The following AVEN variants were observed in gnomAD, a reference collection of about 807,000 sequenced individuals.
The protein encoded by AVEN is apoptosis and caspase activation inhibitor, also known as cell death regulator Aven.
In AVEN, 41 loss-of-function variants were observed where a neutral mutation model predicts 38.1. That is an observed-to-expected ratio of 1.08 (90% CI 0.84 to 1.40). AVEN has a LOEUF of 1.40. AVEN is among the 40% of genes most tolerant of loss of function. The pLI, the probability that AVEN is intolerant of heterozygous loss-of-function variation, is 0.00. For missense variants in AVEN, 605 were observed against 438.8 expected, an observed-to-expected ratio of 1.38 and a Z score of -3.38; for synonymous variants, 206 against 171.8, an observed-to-expected ratio of 1.20 and a Z score of -1.56.
At chr15:34,039,229 GGCGTCCC>G, upstream of AVEN, 1 of 381,424 alleles carries the variant, frequency 2.6e-6, no homozygotes, top group Non-Finnish European at 3.7e-6. Context: ...CGGGGCGGCC[GGCGTCCC>G]GCAGGTGGGG....
chr15:33,927,566 A>T (rs950367379), intron 2 of AVEN, among the ~76,000 whole-genome samples: 1 of 152,124 alleles, frequency 6.6e-6, no homozygotes, highest in South Asian at 2.1e-4. Flanking sequence ...ATTTACAACA[A>T]GGCTAACAGA....
intron 2 of AVEN, among the ~76,000 whole-genome samples, chr15:33,995,220 T>C (rs1186467480): frequency 1.3e-5 from 2 of 152,214 alleles, no homozygotes; most frequent in African/African-American, 4.8e-5. Flanking sequence ...GCTATGATCA[T>C]GCCACTGCAC....
At chr15:33,896,069 A>G (rs1434512995) in intron 2 of AVEN, among the ~76,000 whole-genome samples, 1 of 152,198 alleles carries the variant, frequency 6.6e-6, no homozygotes, top group African/African-American at 2.4e-5. Context: ...ACAAATATTA[A>G]AAGCAAGACC....
chr15:33,855,162 G>A (rs1208835189), downstream of AVEN, among the ~76,000 whole-genome samples: 1 of 152,040 alleles, frequency 6.6e-6, no homozygotes, highest in Non-Finnish European at 1.5e-5. Context: ...TCAACCAGGA[G>A]AGGGAGGGAG....
intron 2 of AVEN, among the ~76,000 whole-genome samples, chr15:33,918,422 GTGA>G (rs1173603346): frequency 1.4e-5 from 2 of 140,218 alleles, no homozygotes; most frequent in South Asian, 2.4e-4. Context: ...TTCATAAAAT[GTGA>G]TGATGTTGTG....
chr15:33,979,441 T>C (rs531531232), intron 2 of AVEN, among the ~76,000 whole-genome samples: 1 of 152,212 alleles, frequency 6.6e-6, no homozygotes, highest in African/African-American at 2.4e-5. Context: ...CCCAGGAGGT[T>C]GAGGCTGCAC....
At chr15:33,930,954 CAAAAAAAAAAAA>C (rs61006422) in intron 2 of AVEN, among the ~76,000 whole-genome samples, 1 of 111,842 alleles carries the variant, frequency 8.9e-6, no homozygotes, top group Non-Finnish European at 1.9e-5. Flanking sequence ...GACTCTGTCT[CAAAAAAAAAAAA>C]AAAAAAAACT....
chr15:33,861,999 C>T (rs529528422), downstream of AVEN, among the ~76,000 whole-genome samples: 3 of 152,186 alleles, frequency 2.0e-5, no homozygotes, highest in Non-Finnish European at 2.9e-5. Context: ...ACTTATTCTA[C>T]GGTAAAGCAT....
At chr15:33,914,526 C>T (rs1893046106) in intron 2 of AVEN, among the ~76,000 whole-genome samples, 1 of 151,432 alleles carries the variant, frequency 6.6e-6, no homozygotes, top group Non-Finnish European at 1.5e-5. Context: ...CCTCCAGGAT[C>T]TAAATATAAA....
intron 2 of AVEN, among the ~76,000 whole-genome samples, chr15:33,919,356 G>T (rs556003705): frequency 6.6e-6 from 1 of 152,148 alleles, no homozygotes; most frequent in Non-Finnish European, 1.5e-5. Flanking sequence ...ACAGCAAAGG[G>T]AAATCTAGCA....
downstream of AVEN, among the ~76,000 whole-genome samples, chr15:33,863,219 G>C (rs1356283409): frequency 6.6e-6 from 1 of 152,174 alleles, no homozygotes; most frequent in African/African-American, 2.4e-5. Flanking sequence ...ATGGTGCTTT[G>C]TTAAATAAAT....
intron 4 of AVEN, among the ~76,000 whole-genome samples, chr15:33,868,774 G>A (rs1473190422): frequency 6.6e-6 from 1 of 152,172 alleles, no homozygotes; most frequent in Non-Finnish European, 1.5e-5. Context: ...TGGGGAGAGA[G>A]TGACGTGGAG....
intron 2 of AVEN, among the ~76,000 whole-genome samples, chr15:33,994,498 A>C (rs1436368165): frequency 6.6e-6 from 1 of 152,196 alleles, no homozygotes; most frequent in African/African-American, 2.4e-5. Context: ...ATCATCCTGA[A>C]ACCGTCATCC....
At chr15:34,002,900 C>G (rs1008684050) in intron 2 of AVEN, 132 bp downstream of exon 2, 1 of 874,496 alleles carries the variant, frequency 1.1e-6, no homozygotes, top group African/African-American at 1.7e-5. Flanking sequence ...AAACACTGTC[C>G]TTTACTTGAA....
At chr15:33,995,508 C>T (rs2140589626) in intron 2 of AVEN, among the ~76,000 whole-genome samples, 1 of 152,262 alleles carries the variant, frequency 6.6e-6, no homozygotes, top group South Asian at 2.1e-4. Flanking sequence ...CCACAGGCGT[C>T]CTGAAACCAT....
intron 2 of AVEN, among the ~76,000 whole-genome samples, chr15:33,964,212 C>G (rs79084264): frequency 0.015 from 2,209 of 152,224 alleles, 52 homozygotes; most frequent in African/African-American, 0.05. Flanking sequence ...CCAATCTCCC[C>G]CCGAACGTAT....
intron 2 of AVEN, among the ~76,000 whole-genome samples, chr15:33,934,612 C>A (rs569091145): frequency 9.9e-5 from 15 of 152,174 alleles, no homozygotes; most frequent in African/African-American, 3.6e-4. Flanking sequence ...ACTCTAATGT[C>A]CTTGCTAGGA....
intron 3 of AVEN, among the ~76,000 whole-genome samples, chr15:33,875,431 T>G (rs1303098057): frequency 2.0e-5 from 3 of 152,148 alleles, no homozygotes; most frequent in Admixed American, 2.0e-4. Context: ...AAATAAGGCA[T>G]TTGGGGTTGA....
intron 5 of AVEN, among the ~76,000 whole-genome samples, chr15:34,060,910 G>A (rs1481823695): frequency 6.6e-6 from 1 of 152,010 alleles, no homozygotes; most frequent in Non-Finnish European, 1.5e-5. Context: ...CAGCTACTGG[G>A]GAGGCTGAGG....
Sources: allele counts gnomAD v4.1 joint callset (sites outside exome capture counted in the v4.1 genomes callset), GRCh38; gene constraint gnomAD v4.1.1; transcripts MANE v1.5; gene names NCBI Gene and HGNC (gene_info 2026-07-23, HGNC 2026-07-21).